ANKRD61: variants seen among roughly 807,000 people sequenced by gnomAD.
ANKRD61 encodes the protein ankyrin repeat domain-containing protein 61.
ANKRD61 carries 7 observed loss-of-function variants against 8.4 expected under a neutral mutation model. The observed-to-expected ratio is 0.84, with a 90% CI of 0.48 to 1.57. ANKRD61 has a LOEUF of 1.57. Among genes scored for constraint, ANKRD61 ranks in the 40% most tolerant of loss-of-function variants. ANKRD61 has a pLI of 0.00. For missense variants in ANKRD61, 516 were observed against 523.4 expected (o/e 0.99, Z 0.14); for synonymous variants, 198 against 208.0 (o/e 0.95, Z 0.41).
intron 1 of ANKRD61, among the ~76,000 whole-genome samples, chr7:6,031,971 C>T (rs555548073): frequency 2.2e-4 from 33 of 152,240 alleles, no homozygotes; most frequent in Non-Finnish European, 3.7e-4. Flanking sequence ...GTCAGGAGTT[C>T]GAGACCAGCC....
Position 6,036,168 on chromosome 7 carries a change from C to G in ANKRD61, c.1039C>G (p.Gln347Glu), listed in dbSNP as rs895709315. The change falls in exon 3 of 3, where the codon CAA becomes GAA. Residue 347 changes from glutamine to glutamate, a missense_variant. Transcript: ENST00000409061. The surrounding 1 kb of genome is among the most constrained non-coding windows in gnomAD (Gnocchi z 4.6). Reference protein sequence around the residue: ...HTYPLRMTNNQGILPAGIMLP... With the variant: ...HTYPLRMTNNEGILPAGIMLP... ...TTATCCTCTGAGAATGACCAATAACCAAGGAATTCTACCTGCAGGAATCAT... is the reference window on the plus strand; with the variant it reads ...TTATCCTCTGAGAATGACCAATAACGAAGGAATTCTACCTGCAGGAATCAT... 1 of 1,549,892 alleles carries G rather than the reference C, an allele frequency of 6.5e-7. No homozygotes were observed.
At position 6,033,009 on chromosome 7, in the gene ANKRD61, C is replaced by T; in HGVS notation, c.314+73C>T. On this transcript the variant is annotated intron_variant, in intron 2 of 2. Coordinates refer to ENST00000409061, the MANE Select transcript of ANKRD61 (RefSeq NM_001271700.2). This position sits in a 1 kb window ranked among gnomAD's most constrained non-coding sequence, Gnocchi z 4.4. ...TTGAGGCAGGGGTCTCGCTCTGTTG[C>T]CCAGGCTGGAGTGCAATGGCACAAT... The T allele has an allele frequency of 1.5e-6, 2 of 1,345,208 alleles. No individual in the cohort carries two copies. The highest frequency in any genetic ancestry group is 2.0e-6 in the Non-Finnish European group (2 of 980,510). 83.3% of individuals were successfully genotyped at this position (1,345,208 alleles called of 1,614,324 possible).
In ANKRD61 at chr7:6,032,988, G is replaced by A. The variant is rs1562744305; in HGVS notation, c.314+52G>A. 1 of 1,466,992 alleles carries A rather than the reference G, an allele frequency of 6.8e-7. No homozygotes were observed. The highest frequency in any genetic ancestry group is 9.3e-7 in the Non-Finnish European group (1 of 1,079,368). The allele number at this position is 1,466,992 out of a possible 1,614,324, so 90.9% of individuals were successfully genotyped here. On this transcript the variant is annotated intron_variant, in intron 2 of 2. Transcript: ENST00000409061. This position sits in a 1 kb window ranked among gnomAD's most constrained non-coding sequence, Gnocchi z 4.3. ...TCTTTTTTTTTCTTTTTTGTTTTGA[G>A]GCAGGGGTCTCGCTCTGTTGCCCAG... is the stretch of plus-strand genomic sequence containing the variant.
chr7:6,035,799 G>A lies in ANKRD61; in HGVS notation c.670G>A (p.Gly224Arg), dbSNP rs1253827994. The stretch of plus-strand genomic sequence containing the variant: ...GATGATGGAAACGCTCATTGCCTAT[G>A]GAGCAAACGTCAACTGTGCTGTCTC... Reference protein sequence around the residue: ...KEMMETLIAYGANVNCAVSST... With the variant: ...KEMMETLIAYRANVNCAVSST... The change falls in exon 3 of 3, where the codon GGA becomes AGA. Residue 224 changes from glycine to arginine, a missense_variant. Coordinates refer to ENST00000409061, the MANE Select transcript of ANKRD61 (RefSeq NM_001271700.2). This position sits in a 1 kb window ranked among gnomAD's most constrained non-coding sequence, Gnocchi z 5.5. 1 of 1,550,812 alleles carries A rather than the reference G, an allele frequency of 6.4e-7. No homozygotes were observed. The highest frequency in any genetic ancestry group is 2.0e-5 in the Admixed American group (1 of 50,972).
Position 6,036,060 on chromosome 7 carries a change from G to A in ANKRD61, c.931G>A (p.Gly311Arg), listed in dbSNP as rs368349592. ...EANVNILTRN[G>R]ESPIYMYLQR... is the part of the protein sequence containing the mutation. ...AAATGTTAACATTTTAACAAGAAAC[G>A]GGGAATCTCCAATTTATATGTACCT... Residue 311 changes from glycine (G) to arginine (R), a missense_variant, in exon 3 of 3, where the codon GGG (glycine) becomes AGG (arginine). Coordinates refer to ENST00000409061, the MANE Select transcript of ANKRD61 (RefSeq NM_001271700.2). The surrounding 1 kb of genome is among the most constrained non-coding windows in gnomAD (Gnocchi z 4.6). The A allele has an allele frequency of 2.8e-5, 43 of 1,550,884 alleles. No individual in the cohort carries two copies. Among genetic ancestry groups the A allele is most frequent in the South Asian group, 2.1e-4 (18 of 84,048 alleles).
At position 6,032,003 on chromosome 7, in the gene ANKRD61, G is replaced by A. The variant is rs574054419; in HGVS notation, c.216+412G>A. Among the ~76,000 whole-genome samples, 50 of 152,184 alleles carry A rather than the reference G, an allele frequency of 3.3e-4. No homozygotes were observed. Among genetic ancestry groups the A allele is most frequent in the South Asian group, 1.0e-3 (5 of 4,824 alleles). ...AGCCTGGCCAGCAGGGCAAAACCCC[G>A]TCTCTACTAAAAATACAAAAATTAG... is the stretch of plus-strand genomic sequence containing the variant. On this transcript the variant is annotated intron_variant, in intron 1 of 2. Coordinates refer to ENST00000409061, the MANE Select transcript of ANKRD61 (RefSeq NM_001271700.2). The surrounding 1 kb of genome is among the most constrained non-coding windows in gnomAD (Gnocchi z 4.3).
rs188899151 is a variant in ANKRD61, at chr7:6,031,606, G to T, written c.216+15G>T. On this transcript the variant is annotated intron_variant, in intron 1 of 2. Coordinates refer to ENST00000409061, the MANE Select transcript of ANKRD61 (RefSeq NM_001271700.2). Reference sequence around the variant, plus strand: ...TTCTGACCCAGGTACCCTCTTTTCTGCTCAGTCACTTCTGGAAAAAAGTCA... The same window carrying T: ...TTCTGACCCAGGTACCCTCTTTTCTTCTCAGTCACTTCTGGAAAAAAGTCA... 1.0e-3 allele frequency: 1,620 copies of T among 1,549,908 alleles called. 7 individuals are homozygous for T. The highest frequency in any genetic ancestry group is 1.1e-3 in the Non-Finnish European group (1,222 of 1,146,336).
At position 6,032,909 on chromosome 7, in the gene ANKRD61, T is replaced by C. The variant is rs774922697; in HGVS notation, c.287T>C (p.Leu96Ser). The C allele has an allele frequency of 2.5e-5, 38 of 1,550,952 alleles. No individual in the cohort carries two copies. The highest frequency in any genetic ancestry group is 3.1e-5 in the Non-Finnish European group (35 of 1,146,978). Residue 96 changes from leucine to serine, a missense_variant, in exon 2 of 3, where the codon TTA becomes TCA. Coordinates refer to ENST00000409061, the MANE Select transcript of ANKRD61 (RefSeq NM_001271700.2). This position sits in a 1 kb window ranked among gnomAD's most constrained non-coding sequence, Gnocchi z 4.3. ...AAGGCCCAGAGTCTGCTCTGCCTGT[T>C]ACGGCACGGTGCTGACCCAGAAGTC... ...YHKAQSLLCL[L>S]RHGADPEVRD...
At position 6,033,011 on chromosome 7, in the gene ANKRD61, C is replaced by T; in HGVS notation, c.314+75C>T. 2 of 1,314,092 alleles carry T rather than the reference C, an allele frequency of 1.5e-6. No individual in the cohort carries two copies. Among genetic ancestry groups the T allele is most frequent in the South Asian group, 1.3e-5 (1 of 76,910 alleles). 81.4% of individuals were successfully genotyped at this position (1,314,092 alleles called of 1,614,324 possible). On this transcript the variant is annotated intron_variant, in intron 2 of 2. Coordinates refer to ENST00000409061, the MANE Select transcript of ANKRD61 (RefSeq NM_001271700.2). This position sits in a 1 kb window ranked among gnomAD's most constrained non-coding sequence, Gnocchi z 4.4. ...GAGGCAGGGGTCTCGCTCTGTTGCC[C>T]AGGCTGGAGTGCAATGGCACAATCT...
In ANKRD61 at chr7:6,032,923, G is replaced by A. The variant is rs1431019383; in HGVS notation, c.301G>A (p.Asp101Asn). 1.6e-5 allele frequency: 25 copies of A among 1,550,252 alleles called. No homozygotes were observed. The highest frequency in any genetic ancestry group is 2.1e-5 in the Non-Finnish European group (24 of 1,146,724). The change falls in exon 2 of 3, where the codon GAC (aspartate) becomes AAC (asparagine). Residue 101 changes from aspartate to asparagine, a missense_variant. Transcript: ENST00000409061. This position sits in a 1 kb window ranked among gnomAD's most constrained non-coding sequence, Gnocchi z 4.3. ...SLLCLLRHGA[D>N]PEVRDTTGLT... ...GCTCTGCCTGTTACGGCACGGTGCT[G>A]ACCCAGAAGTCAGGTAAGTTAACTC...
Position 6,035,399 on chromosome 7 carries a change from T to A in ANKRD61, c.315-45T>A, listed in dbSNP as rs778345050. The A allele has an allele frequency of 6.6e-7, 1 of 1,508,336 alleles. No individual in the cohort carries two copies. Among genetic ancestry groups the A allele is most frequent in the African/African-American group, 1.4e-5 (1 of 72,228 alleles). 93.4% of individuals were successfully genotyped at this position (1,508,336 alleles called of 1,614,324 possible). On this transcript the variant is annotated intron_variant, in intron 2 of 2. Transcript: ENST00000409061. This position sits in a 1 kb window ranked among gnomAD's most constrained non-coding sequence, Gnocchi z 5.5. ...GCATTAACTGTCCACGTAGAGCCGT[T>A]CCCACTGTGAATTCAGTGTAACGTG...
chr7:6,031,681 A>G (rs1050493397), intron 1 of ANKRD61, 90 bp downstream of exon 1: 1 of 1,315,954 alleles, frequency 7.6e-7, no homozygotes, highest in Non-Finnish European at 1.1e-6. Flanking sequence ...CACTAAGCTC[A>G]CGGCCCTTAT....
Position 6,035,534 on chromosome 7 carries a change from C to T in ANKRD61, c.405C>T (p.His135=). Residue 135 remains histidine (H), a synonymous_variant, in exon 3 of 3, where the codon CAC becomes CAT. Coordinates refer to ENST00000409061, the MANE Select transcript of ANKRD61 (RefSeq NM_001271700.2). This position sits in a 1 kb window ranked among gnomAD's most constrained non-coding sequence, Gnocchi z 5.5. ...GGGCAAAACCAGGCAACAGAACGCACAGGATCCTGACAGACATTCAGAATA... is the reference window on the plus strand; with the variant it reads ...GGGCAAAACCAGGCAACAGAACGCATAGGATCCTGACAGACATTCAGAATA... The part of the protein sequence containing the change: ...TTWAKPGNRT[H]RILTDIQNSS... 6 of 1,551,222 alleles carry T rather than the reference C, an allele frequency of 3.9e-6. No individual in the cohort carries two copies. The highest frequency in any genetic ancestry group is 5.2e-6 in the Non-Finnish European group (6 of 1,147,130).
chr7:6,035,568 A>C lies in ANKRD61; in HGVS notation c.439A>C (p.Thr147Pro). The C allele has an allele frequency of 6.4e-7, 1 of 1,551,218 alleles. No homozygotes were observed. Among genetic ancestry groups the C allele is most frequent in the Non-Finnish European group, 8.7e-7 (1 of 1,147,128 alleles). The part of the protein sequence containing the change: ...ILTDIQNSSI[T>P]CLRILCAHGA... ...GACAGACATTCAGAATAGCAGCATCACATGTCTCCGCATCTTGTGTGCGCA... is the reference window on the plus strand; with the variant it reads ...GACAGACATTCAGAATAGCAGCATCCCATGTCTCCGCATCTTGTGTGCGCA... The change falls in exon 3 of 3, where the codon ACA becomes CCA. Residue 147 changes from threonine (T) to proline (P), a missense_variant. By Grantham distance (38) the Thr-to-Pro change is conservative (BLOSUM62 -1). Coordinates refer to ENST00000409061, the MANE Select transcript of ANKRD61 (RefSeq NM_001271700.2). This position sits in a 1 kb window ranked among gnomAD's most constrained non-coding sequence, Gnocchi z 5.5.
Position 6,036,166 on chromosome 7 carries a change from A to G in ANKRD61, c.1037A>G (p.Asn346Ser). The G allele has an allele frequency of 4.5e-6, 7 of 1,549,976 alleles. No individual in the cohort carries two copies. Among genetic ancestry groups the G allele is most frequent in the Non-Finnish European group, 6.1e-6 (7 of 1,146,598 alleles). ...YHTYPLRMTN[N>S]QGILPAGIML... ...ACTTATCCTCTGAGAATGACCAATAACCAAGGAATTCTACCTGCAGGAATC... is the reference window on the plus strand; with the variant it reads ...ACTTATCCTCTGAGAATGACCAATAGCCAAGGAATTCTACCTGCAGGAATC... Residue 346 changes from asparagine (N) to serine (S), a missense_variant, in exon 3 of 3, where the codon AAC (asparagine) becomes AGC (serine). Physicochemically the swap from Asn to Ser is conservative, Grantham distance 46 (BLOSUM62 1). Transcript: ENST00000409061. This position sits in a 1 kb window ranked among gnomAD's most constrained non-coding sequence, Gnocchi z 4.6.
Position 6,036,173 on chromosome 7 carries a change from A to T in ANKRD61, c.1044A>T (p.Gly348=). The change falls in exon 3 of 3, where the codon GGA becomes GGT. Residue 348 remains glycine, a synonymous_variant. Coordinates refer to ENST00000409061, the MANE Select transcript of ANKRD61 (RefSeq NM_001271700.2). This position sits in a 1 kb window ranked among gnomAD's most constrained non-coding sequence, Gnocchi z 4.6. ...CTCTGAGAATGACCAATAACCAAGG[A>T]ATTCTACCTGCAGGAATCATGCTAC... The part of the protein sequence containing the change: ...TYPLRMTNNQ[G]ILPAGIMLPE... 6.5e-7 allele frequency: 1 copy of T among 1,549,908 alleles called. No individual in the cohort carries two copies. Among genetic ancestry groups the T allele is most frequent in the Non-Finnish European group, 8.7e-7 (1 of 1,146,568 alleles).
chr7:6,031,612 T>G lies in ANKRD61; in HGVS notation c.216+21T>G, dbSNP rs1385011804. 5 of 1,549,382 alleles carry G rather than the reference T, an allele frequency of 3.2e-6. No individual in the cohort carries two copies. In the Admixed American group the frequency reaches 7.8e-5, roughly 24 times the overall value. ...CCCAGGTACCCTCTTTTCTGCTCAG[T>G]CACTTCTGGAAAAAAGTCAGGCTGC... On this transcript the variant is annotated intron_variant, in intron 1 of 2. Coordinates refer to ENST00000409061, the MANE Select transcript of ANKRD61 (RefSeq NM_001271700.2).
In ANKRD61 at chr7:6,035,506, C is replaced by T. The variant is rs1053551485; in HGVS notation, c.377C>T (p.Thr126Met). The change falls in exon 3 of 3, where the codon ACG (threonine) becomes ATG (methionine). Residue 126 changes from threonine (T) to methionine (M), a missense_variant. By Grantham distance (81) the Thr-to-Met change is moderately conservative. Coordinates refer to ENST00000409061, the MANE Select transcript of ANKRD61 (RefSeq NM_001271700.2). The surrounding 1 kb of genome is among the most constrained non-coding windows in gnomAD (Gnocchi z 5.5). The part of the protein sequence containing the change: ...MLLHWPVTST[T>M]WAKPGNRTHR... ...CTGCACTGGCCAGTCACTTCCACCA[C>T]GTGGGCAAAACCAGGCAACAGAACG... is the stretch of plus-strand genomic sequence containing the variant. 10 of 1,551,022 alleles carry T rather than the reference C, an allele frequency of 6.4e-6. No homozygotes were observed. Among genetic ancestry groups the T allele is most frequent in the East Asian group, 2.4e-5 (1 of 40,936 alleles).
rs1350773338 is a variant in ANKRD61 at position 6,031,456 on chromosome 7, A to G, written c.81A>G (p.Ala27=). 2.6e-6 allele frequency: 4 copies of G among 1,550,762 alleles called. No individual in the cohort carries two copies. The Admixed American group carries it at 7.8e-5, about 30-fold the overall frequency. ...CCCTGGAAGATGGCCCATCTGCAGCACTTCACTCGAAACTCTATGAAGCCA... is the reference window on the plus strand; with the variant it reads ...CCCTGGAAGATGGCCCATCTGCAGCGCTTCACTCGAAACTCTATGAAGCCA... ...AKSLEDGPSA[A]LHSKLYEAIM... is the part of the protein sequence containing the mutation. Residue 27 remains alanine (A), a synonymous_variant, in exon 1 of 3, where the codon GCA becomes GCG. Coordinates refer to ENST00000409061, the MANE Select transcript of ANKRD61 (RefSeq NM_001271700.2).
Sources: gnomAD v4.1 joint callset for allele counts (sites outside exome capture counted in the v4.1 genomes callset) on GRCh38, gnomAD v4.1.1 for gene constraint, Gnocchi (gnomAD v3.1) non-coding constraint, MANE v1.5 for transcripts, NCBI Gene and HGNC (gene_info 2026-07-23, HGNC 2026-07-21) for gene names.